Variants in NCAM2 observed in about 807,000 individuals in gnomAD.
The protein encoded by NCAM2 is N-CAM-2.
Under a neutral mutation model 98.1 loss-of-function variants are expected in NCAM2, and 30 were observed. That is an observed-to-expected ratio of 0.31 (90% CI 0.23 to 0.41). The LOEUF (loss-of-function observed/expected upper bound fraction) is 0.41, where lower values mean the gene tolerates loss of function less well. NCAM2 is among the 10% of genes least tolerant of loss of function. The pLI is 1.00. For missense variants in NCAM2, 867 were observed against 1,005.8 expected (o/e 0.86, Z 1.87); for synonymous variants, 368 against 342.4 (o/e 1.07, Z -0.83).
In NCAM2 at chr21:21,320,985, A is replaced by C. The variant is rs1054174857; in HGVS notation, c.620-3398A>C. Among the ~76,000 whole-genome samples, 7 of 152,188 alleles carry C rather than the reference A, an allele frequency of 4.6e-5. No individual in the cohort carries two copies. In the South Asian group the frequency reaches 1.4e-3, roughly 31 times the overall value. On this transcript the variant is annotated intron_variant, in intron 5 of 17. Coordinates refer to ENST00000400546, the MANE Select transcript of NCAM2 (RefSeq NM_004540.5). The stretch of plus-strand genomic sequence containing the variant: ...TTAATGAAATTATGGGAAGACCCAA[A>C]GAAATAAACTAATTTGCTTTTCATG...
intron 11 of NCAM2, among the ~76,000 whole-genome samples, chr21:21,430,857 C>T (rs940120355): frequency 4.0e-5 from 6 of 151,736 alleles, no homozygotes; most frequent in African/African-American, 1.5e-4. Flanking sequence ...ACCATCCTGG[C>T]CAACATGGTG....
At chr21:21,058,774 A>C (rs997278943) in intron 1 of NCAM2, among the ~76,000 whole-genome samples, 1 of 152,070 alleles carries the variant, frequency 6.6e-6, no homozygotes, top group Admixed American at 6.6e-5. Context: ...GAAGAAAAAG[A>C]AGAGTTTTCT....
chr21:21,038,869 G>A (rs1601169804), intron 1 of NCAM2, among the ~76,000 whole-genome samples: 2 of 152,118 alleles, frequency 1.3e-5, no homozygotes, highest in Non-Finnish European at 2.9e-5. Flanking sequence ...TACGAAGGCC[G>A]CTAAAACATG....
intron 5 of NCAM2, among the ~76,000 whole-genome samples, chr21:21,323,188 A>G (rs1601972905): frequency 6.6e-6 from 1 of 152,220 alleles, no homozygotes. Flanking sequence ...AAAACAGGGT[A>G]CAGATAGTCA....
chr21:21,173,850 A>G (rs975143810), intron 1 of NCAM2, among the ~76,000 whole-genome samples: 16 of 152,204 alleles, frequency 1.1e-4, no homozygotes, highest in African/African-American at 3.9e-4. Context: ...GTGTGGCATA[A>G]TTAGCATACC....
chr21:21,501,176 A>C (rs1792890751), intron 15 of NCAM2, among the ~76,000 whole-genome samples: 1 of 152,152 alleles, frequency 6.6e-6, no homozygotes, highest in South Asian at 2.1e-4. Context: ...TATAATATCC[A>C]GGTTTATAAG....
intron 2 of NCAM2, among the ~76,000 whole-genome samples, chr21:21,283,242 G>C (rs936832966): frequency 3.3e-5 from 5 of 151,720 alleles, no homozygotes; most frequent in African/African-American, 1.2e-4. Flanking sequence ...CCATTTCTTC[G>C]GAAAAATGAG....
chr21:21,375,158 T>TATA (rs1457448838), intron 9 of NCAM2, among the ~76,000 whole-genome samples: 1 of 146,358 alleles, frequency 6.8e-6, no homozygotes, highest in Non-Finnish European at 1.5e-5. Context: ...AAACTTAAAG[T>TATA]ATAATAATAA....
intron 8 of NCAM2, among the ~76,000 whole-genome samples, chr21:21,366,445 C>A (rs188472511): frequency 6.6e-6 from 1 of 152,040 alleles, no homozygotes; most frequent in Non-Finnish European, 1.5e-5. Context: ...TTATTTAATT[C>A]TCACCAGATG....
chr21:21,338,627 A>AG, intron 8 of NCAM2, 93 bp downstream of exon 8: 2 of 1,221,190 alleles, frequency 1.6e-6, no homozygotes, highest in Non-Finnish European at 2.2e-6. Flanking sequence ...CAATTTACCT[A>AG]GTAACTTGTA....
At chr21:21,396,667 A>G (rs1295395537) in intron 9 of NCAM2, among the ~76,000 whole-genome samples, 1 of 152,166 alleles carries the variant, frequency 6.6e-6, no homozygotes, top group Non-Finnish European at 1.5e-5. Flanking sequence ...GTGGTGGGAC[A>G]GGCAGCTCCA....
intron 16 of NCAM2, among the ~76,000 whole-genome samples, chr21:21,528,584 G>GTT (rs1989453478): frequency 6.6e-6 from 1 of 152,104 alleles, no homozygotes; most frequent in African/African-American, 2.4e-5. Flanking sequence ...ATAGCAGAAT[G>GTT]TTTTCCTGAT....
At chr21:21,334,399 G>A (rs2074799282) in intron 6 of NCAM2, among the ~76,000 whole-genome samples, 1 of 152,150 alleles carries the variant, frequency 6.6e-6, no homozygotes, top group Non-Finnish European at 1.5e-5. Context: ...GTGGTTTCTG[G>A]AAAGTAGAAC....
At chr21:21,096,965 A>T (rs2066137463) in intron 1 of NCAM2, among the ~76,000 whole-genome samples, 1 of 151,816 alleles carries the variant, frequency 6.6e-6, no homozygotes, top group African/African-American at 2.4e-5. Context: ...CAGTGTCAAC[A>T]TCCCTAAGCC....
At chr21:21,096,111 ATTG>A (rs1453670021) in intron 1 of NCAM2, among the ~76,000 whole-genome samples, 6 of 151,576 alleles carry the variant, frequency 4.0e-5, no homozygotes, top group Non-Finnish European at 7.4e-5. Flanking sequence ...CTTAACTATT[ATTG>A]TTAATTTCAA....
intron 1 of NCAM2, among the ~76,000 whole-genome samples, chr21:21,054,349 T>G (rs2065171893): frequency 6.6e-6 from 1 of 152,040 alleles, no homozygotes; most frequent in Admixed American, 6.5e-5. Context: ...TGAACTCATT[T>G]ACTTCAGTTT....
chr21:21,061,166 C>T (rs1601241994), intron 1 of NCAM2, among the ~76,000 whole-genome samples: 1 of 152,138 alleles, frequency 6.6e-6, no homozygotes, highest in Non-Finnish European at 1.5e-5. Context: ...AGCTAAATAG[C>T]ATCAATCCAC....
chr21:21,221,430 A>G (rs2070150236), intron 1 of NCAM2, among the ~76,000 whole-genome samples: 1 of 150,240 alleles, frequency 6.7e-6, no homozygotes, highest in Non-Finnish European at 1.5e-5. Flanking sequence ...CACTTCAAAC[A>G]GTTAGCCAAG....
intron 1 of NCAM2, among the ~76,000 whole-genome samples, chr21:21,091,468 A>G (rs1253818401): frequency 6.6e-6 from 1 of 152,120 alleles, no homozygotes; most frequent in Non-Finnish European, 1.5e-5. Context: ...ATTTTTTAAT[A>G]CATATGTATT....
Sources: gnomAD v4.1 joint callset for allele counts (sites outside exome capture counted in the v4.1 genomes callset) on GRCh38, gnomAD v4.1.1 for gene constraint, MANE v1.5 for transcripts, NCBI Gene and HGNC (gene_info 2026-07-23, HGNC 2026-07-21) for gene names.